Variants in ETV6 observed in about 807,000 individuals in gnomAD.
ETV6 encodes transcription factor ETV6.
ETV6 carries 16 observed loss-of-function variants against 51.1 expected under a neutral mutation model. That is an observed-to-expected ratio of 0.31 (90% confidence interval 0.21 to 0.48). The LOEUF (loss-of-function observed/expected upper bound fraction) is 0.48. Ranked by LOEUF, ETV6 falls within the 20% of genes least tolerant of loss-of-function variation. The pLI, the probability that ETV6 is intolerant of heterozygous loss-of-function variation, is 0.99. For synonymous variants in ETV6, 240 were observed against 224.1 expected (o/e 1.07, Z -0.64); for missense variants, 458 against 594.8 (o/e 0.77, Z 2.39).
chr12:11,843,619 T>C (rs1390996473), intron 3 of ETV6, among the ~76,000 whole-genome samples: 1 of 152,080 alleles, frequency 6.6e-6, no homozygotes, highest in Non-Finnish European at 1.5e-5. Flanking sequence ...ACACAACTCC[T>C]CTCCAATGTA....
chr12:11,888,398 C>CTTTTCTTTTCTT (rs753710183), intron 7 of ETV6, among the ~76,000 whole-genome samples: 822 of 80,638 alleles, frequency 0.01, 9 homozygotes, highest in African/African-American at 0.033. Flanking sequence ...CTTTTCTTTT[C>CTTTTCTTTTCTT]TTTTTTTTTT....
chr12:11,877,118 A>T (rs2855710), intron 5 of ETV6, among the ~76,000 whole-genome samples: 1 of 152,060 alleles, frequency 6.6e-6, no homozygotes, highest in Non-Finnish European at 1.5e-5. Flanking sequence ...AGATTCAATT[A>T]GGGAAGCCTC....
chr12:11,650,058 T>C lies in ETV6; in HGVS notation c.-70T>C. 1 of 1,436,126 alleles carries C rather than the reference T, an allele frequency of 7.0e-7. No homozygotes were observed. Among genetic ancestry groups the C allele is most frequent in the Non-Finnish European group, 9.8e-7 (1 of 1,018,742 alleles). 89.0% of individuals were successfully genotyped at this position (1,436,126 alleles called of 1,614,324 possible). Reference sequence around the variant, plus strand: ...CCGCGTCTGGCTGGCCGTGGAGCCTTTCTGGGTTGGGGAGAGGAAAGGAAA... The same window carrying C: ...CCGCGTCTGGCTGGCCGTGGAGCCTCTCTGGGTTGGGGAGAGGAAAGGAAA... On this transcript the variant is annotated 5_prime_UTR_variant, in exon 1 of 8. Coordinates refer to ENST00000396373, the MANE Select transcript of ETV6 (RefSeq NM_001987.5).
At chr12:11,737,492 T>C (rs1696627364) in intron 1 of ETV6, among the ~76,000 whole-genome samples, 1 of 152,260 alleles carries the variant, frequency 6.6e-6, no homozygotes. Flanking sequence ...TGCCCTGTCA[T>C]GTAGATGAGA....
chr12:11,801,978 A>G (rs1945755889), intron 2 of ETV6, among the ~76,000 whole-genome samples: 1 of 152,144 alleles, frequency 6.6e-6, no homozygotes, highest in South Asian at 2.1e-4. Flanking sequence ...TCCTGCCCAC[A>G]TTCCTTCGGT....
chr12:11,781,122 G>T (rs1945407277), intron 2 of ETV6, among the ~76,000 whole-genome samples: 2 of 152,216 alleles, frequency 1.3e-5, no homozygotes, highest in Non-Finnish European at 2.9e-5. Flanking sequence ...GGTTTAATAT[G>T]TACAATGTCC....
chr12:11,868,865 ACAGGCCACAGG>A (rs778125496), intron 4 of ETV6, among the ~76,000 whole-genome samples: 5 of 152,136 alleles, frequency 3.3e-5, no homozygotes, highest in Non-Finnish European at 7.3e-5. Context: ...CCTTGTGCCT[ACAGGCCACAGG>A]TAGGTCATTA....
chr12:11,845,213 C>A (rs1204843069), intron 3 of ETV6, among the ~76,000 whole-genome samples: 1 of 152,186 alleles, frequency 6.6e-6, no homozygotes, highest in Admixed American at 6.5e-5. Flanking sequence ...TTGAAAAATG[C>A]AAGTTTTAGC....
At chr12:11,867,941 C>T (rs776548234) in intron 4 of ETV6, among the ~76,000 whole-genome samples, 11 of 152,206 alleles carry the variant, frequency 7.2e-5, no homozygotes, top group African/African-American at 1.9e-4. Flanking sequence ...AGGTGTGTGC[C>T]GGTCCATTCC....
At chr12:11,837,570 C>T (rs1946334349) in intron 2 of ETV6, among the ~76,000 whole-genome samples, 2 of 152,172 alleles carry the variant, frequency 1.3e-5, no homozygotes, top group African/African-American at 2.4e-5. Context: ...AGAGCAGCCC[C>T]ATATAGCAAA....
intron 7 of ETV6, among the ~76,000 whole-genome samples, chr12:11,888,458 C>T (rs1021594134): frequency 6.8e-6 from 1 of 147,288 alleles, no homozygotes; most frequent in African/African-American, 2.5e-5. Context: ...TGCAGTGGCA[C>T]AATCTCGACT....
chr12:11,797,563 G>T (rs1488320781), intron 2 of ETV6, among the ~76,000 whole-genome samples: 2 of 152,212 alleles, frequency 1.3e-5, no homozygotes, highest in Non-Finnish European at 2.9e-5. Context: ...TACAGCAAAG[G>T]CTTGTTTTTA....
chr12:11,856,700 A>G (rs1946637305), intron 4 of ETV6, among the ~76,000 whole-genome samples: 1 of 152,234 alleles, frequency 6.6e-6, no homozygotes, highest in Non-Finnish European at 1.5e-5. Context: ...TCCACTGAAA[A>G]GAAAAAAATC....
chr12:11,812,988 A>G lies in ETV6; in HGVS notation c.164-26152A>G, dbSNP rs371290538. 5.2e-4 allele frequency among the ~76,000 whole-genome samples: 79 copies of G among 152,168 alleles called. No homozygotes were observed. The East Asian group carries it at 0.013, about 26-fold the overall frequency. On this transcript the variant is annotated intron_variant, in intron 2 of 7. Coordinates refer to ENST00000396373, the MANE Select transcript of ETV6 (RefSeq NM_001987.5). ...GGCCCCAGGAACCCTGGCTGCGGTGACCCGGTGCTGGGGAGGGAGTGCATG... is the reference window on the plus strand; with the variant it reads ...GGCCCCAGGAACCCTGGCTGCGGTGGCCCGGTGCTGGGGAGGGAGTGCATG...
At chr12:11,841,733 G>A (rs1946393063) in intron 3 of ETV6, among the ~76,000 whole-genome samples, 1 of 152,172 alleles carries the variant, frequency 6.6e-6, no homozygotes, top group Non-Finnish European at 1.5e-5. Flanking sequence ...AGGTAATGGA[G>A]CCTGACTTTG....
At chr12:11,765,953 G>C (rs182293518) in intron 2 of ETV6, among the ~76,000 whole-genome samples, 110 of 152,240 alleles carry the variant, frequency 7.2e-4, no homozygotes, top group African/African-American at 2.6e-3. Flanking sequence ...TGTGATGCAG[G>C]TATGCTTATT....
intron 2 of ETV6, among the ~76,000 whole-genome samples, chr12:11,835,300 C>T (rs548030059): frequency 3.9e-5 from 6 of 152,336 alleles, no homozygotes; most frequent in African/African-American, 1.2e-4. Context: ...TCAAGAGGCA[C>T]GCTATGCGCA....
At chr12:11,700,920 G>C (rs1053971854) in intron 1 of ETV6, among the ~76,000 whole-genome samples, 7 of 152,126 alleles carry the variant, frequency 4.6e-5, no homozygotes, top group Non-Finnish European at 8.8e-5. Context: ...TATTTCATCT[G>C]TTTGTTTCCT....
chr12:11,672,583 G>A (rs763578510), intron 1 of ETV6, among the ~76,000 whole-genome samples: 13 of 152,186 alleles, frequency 8.5e-5, no homozygotes, highest in African/African-American at 2.4e-4. Flanking sequence ...CAAAGCTTGC[G>A]TATAATATAC....
Sources: gnomAD v4.1 joint callset for allele counts (sites outside exome capture counted in the v4.1 genomes callset) on GRCh38, gnomAD v4.1.1 for gene constraint, MANE v1.5 for transcripts, NCBI Gene and HGNC (gene_info 2026-07-23, HGNC 2026-07-21) for gene names.